SMIM10L3: variants seen among roughly 807,000 people sequenced by gnomAD.
SMIM10L3 encodes the protein small integral membrane protein 10 like 3, also known as salivary gland specific protein SAGSIN1.
the SMIM10L3 span, chr7:6,348,893 G>A: frequency 5.2e-6 from 2 of 387,870 alleles, no homozygotes; most frequent in African/African-American, 2.1e-5. Flanking sequence ...GGCCGCAGTG[G>A]AGCGGAGTCC....
the SMIM10L3 span, among the ~76,000 whole-genome samples, chr7:6,345,900 C>G: frequency 6.6e-6 from 1 of 152,004 alleles, no homozygotes; most frequent in South Asian, 2.1e-4. Context: ...TACCATGTAG[C>G]TGGGATTACA....
the SMIM10L3 span, chr7:6,348,735 C>T: frequency 4.8e-6 from 2 of 412,568 alleles, no homozygotes; most frequent in African/African-American, 2.1e-5. Context: ...GCCGGACAGC[C>T]AGGCCCGACA....
At chr7:6,346,780 G>A in the SMIM10L3 span, among the ~76,000 whole-genome samples, 1 of 152,080 alleles carries the variant, frequency 6.6e-6, no homozygotes, top group Non-Finnish European at 1.5e-5. Context: ...CTGCTACTGG[G>A]ACAATCATAC....
At chr7:6,332,232 G>C in the SMIM10L3 span, among the ~76,000 whole-genome samples, 1 of 151,880 alleles carries the variant, frequency 6.6e-6, no homozygotes, top group African/African-American at 2.4e-5. Context: ...CACCTTCATT[G>C]TCTCTGAGCT....
At chr7:6,348,897 G>T in the SMIM10L3 span, 1 of 387,592 alleles carries the variant, frequency 2.6e-6, no homozygotes, top group East Asian at 3.7e-5. Flanking sequence ...GCAGTGGAGC[G>T]GAGTCCGCAC....
chr7:6,340,987 T>TAAAA, the SMIM10L3 span, among the ~76,000 whole-genome samples: 1 of 48,152 alleles, frequency 2.1e-5, no homozygotes, highest in African/African-American at 1.1e-4. Context: ...AAAAAAAAAT[T>TAAAA]CAAAAAATTA....
At chr7:6,343,442 A>G in the SMIM10L3 span, among the ~76,000 whole-genome samples, 109 of 114,286 alleles carry the variant, frequency 9.5e-4, no homozygotes, top group African/African-American at 3.3e-3. Flanking sequence ...ATATATATAT[A>G]TATGATCTAG....
At chr7:6,343,426 ATATATATATATATATATAT>A in the SMIM10L3 span, among the ~76,000 whole-genome samples, 1 of 96,886 alleles carries the variant, frequency 1.0e-5, no homozygotes, top group East Asian at 5.7e-4. Flanking sequence ...ATATATATAT[ATATATATATATATATATAT>A]GATCTAGGAC....
At chr7:6,340,856 G>T in the SMIM10L3 span, among the ~76,000 whole-genome samples, 1 of 134,444 alleles carries the variant, frequency 7.4e-6, no homozygotes, top group African/African-American at 2.9e-5. Flanking sequence ...CCGAGATGGC[G>T]CCACTGCACT....
chr7:6,334,154 G>C, the SMIM10L3 span, among the ~76,000 whole-genome samples: 4 of 151,136 alleles, frequency 2.6e-5, no homozygotes, highest in Non-Finnish European at 5.9e-5. Context: ...CCGAACTCCT[G>C]GTCTCTTAAG....
At chr7:6,344,662 T>C in the SMIM10L3 span, among the ~76,000 whole-genome samples, 1 of 152,036 alleles carries the variant, frequency 6.6e-6, no homozygotes. Context: ...CAAGTGATCC[T>C]CCCACCTTGG....
chr7:6,342,869 T>C, the SMIM10L3 span, among the ~76,000 whole-genome samples: 183 of 151,622 alleles, frequency 1.2e-3, no homozygotes, highest in African/African-American at 4.2e-3. Context: ...AGACCCCATC[T>C]AGAAACAAAA....
the SMIM10L3 span, chr7:6,348,850 G>C: frequency 2.6e-6 from 1 of 391,694 alleles, no homozygotes; most frequent in African/African-American, 2.1e-5. Context: ...CTCAGGGAGC[G>C]AAGGAGGCGG....
chr7:6,331,051 G>A, the SMIM10L3 span: 124 of 1,613,698 alleles, frequency 7.7e-5, 3 homozygotes, highest in South Asian at 1.0e-3. Context: ...AGGGCCCTCC[G>A]GCATTCTTTT....
chr7:6,338,701 C>T, the SMIM10L3 span: 2 of 152,548 alleles, frequency 1.3e-5, no homozygotes, highest in East Asian at 1.9e-4. Flanking sequence ...AATGGCCTGA[C>T]CTACTTAGCT....
At chr7:6,348,453 T>C in the SMIM10L3 span, 1 of 397,542 alleles carries the variant, frequency 2.5e-6, no homozygotes, top group African/African-American at 2.1e-5. Context: ...CACGGGAAAA[T>C]GCACGGTGCT....
At chr7:6,348,230 T>TA in the SMIM10L3 span, among the ~76,000 whole-genome samples, 3,363 of 97,714 alleles carry the variant, frequency 0.034, 73 homozygotes, top group Middle Eastern at 0.065. Flanking sequence ...CAATTAAAAA[T>TA]AAGGGGGGGG....
At chr7:6,330,966 C>T in the SMIM10L3 span, 1 of 1,614,252 alleles carries the variant, frequency 6.2e-7, no homozygotes. Flanking sequence ...TTCTCATTTC[C>T]AGTGATAATG....
the SMIM10L3 span, among the ~76,000 whole-genome samples, chr7:6,344,166 G>A: frequency 6.0e-5 from 9 of 150,706 alleles, no homozygotes; most frequent in South Asian, 1.3e-3. Context: ...AAAAAAAGGC[G>A]TGGGGCTGTC....
Sources: gnomAD v4.1 joint callset for allele counts (sites outside exome capture counted in the v4.1 genomes callset) on GRCh38, gnomAD v4.1.1 for gene constraint, MANE v1.5 for transcripts, NCBI Gene and HGNC (gene_info 2026-07-23, HGNC 2026-07-21) for gene names.